CNBD1: variants seen among roughly 807,000 people sequenced by gnomAD.
The protein encoded by CNBD1 is cyclic nucleotide-binding domain-containing protein 1.
In CNBD1, 71 loss-of-function variants were observed where a neutral mutation model predicts 54.4. The observed-to-expected ratio is 1.30, with a 90% CI of 1.08 to 1.59. CNBD1 has a LOEUF of 1.59. Among genes scored for constraint, CNBD1 ranks in the 40% most tolerant of loss-of-function variants. The pLI, the probability that CNBD1 is intolerant of heterozygous loss-of-function variation, is 0.00. For missense variants in CNBD1, 659 were observed against 518.0 expected, an observed-to-expected ratio of 1.27 and a Z score of -2.64; for synonymous variants, 182 against 170.7, an observed-to-expected ratio of 1.07 and a Z score of -0.51.
At chr8:87,184,497 C>T (rs1300917492) in intron 4 of CNBD1, among the ~76,000 whole-genome samples, 1 of 152,160 alleles carries the variant, frequency 6.6e-6, no homozygotes, top group Non-Finnish European at 1.5e-5. Context: ...ACCCTCTGGG[C>T]TTCATGCAGA....
chr8:87,051,783 A>G (rs772928353), intron 4 of CNBD1, among the ~76,000 whole-genome samples: 6 of 152,188 alleles, frequency 3.9e-5, no homozygotes, highest in Non-Finnish European at 7.3e-5. Flanking sequence ...ACCTTCCAGC[A>G]TGGGCATCAT....
chr8:86,978,713 T>A (rs1045366064), intron 4 of CNBD1, among the ~76,000 whole-genome samples: 2 of 151,862 alleles, frequency 1.3e-5, no homozygotes, highest in African/African-American at 4.8e-5. Flanking sequence ...TGGCTAATTT[T>A]TGTATTTTTA....
chr8:87,168,732 T>C (rs1460924670), intron 4 of CNBD1, among the ~76,000 whole-genome samples: 1 of 152,066 alleles, frequency 6.6e-6, no homozygotes, highest in African/African-American at 2.4e-5. Context: ...TGACCTCCAG[T>C]TCCATCCATG....
chr8:87,303,228 T>G (rs76643112), intron 8 of CNBD1, among the ~76,000 whole-genome samples: 56,075 of 148,958 alleles, frequency 0.38, 10,648 homozygotes, highest in Middle Eastern at 0.44. Flanking sequence ...GCTACCTGAC[T>G]TCAAACTATA....
At chr8:87,151,914 T>C (rs1304007935) in intron 4 of CNBD1, among the ~76,000 whole-genome samples, 2 of 152,138 alleles carry the variant, frequency 1.3e-5, no homozygotes, top group African/African-American at 4.8e-5. Flanking sequence ...AAATTTTTGA[T>C]ACTTTAAAAG....
chr8:87,347,428 G>C (rs887873423), intron 8 of CNBD1, among the ~76,000 whole-genome samples: 3 of 152,146 alleles, frequency 2.0e-5, no homozygotes, highest in Non-Finnish European at 2.9e-5. Context: ...CCTTGATGGA[G>C]CTTGCATCCT....
At chr8:87,248,554 G>T (rs548844827) in intron 6 of CNBD1, among the ~76,000 whole-genome samples, 1 of 152,118 alleles carries the variant, frequency 6.6e-6, no homozygotes, top group Non-Finnish European at 1.5e-5. Context: ...GCGCTTGATC[G>T]CCATGTGGAG....
intron 4 of CNBD1, among the ~76,000 whole-genome samples, chr8:87,181,999 A>C (rs1339743451): frequency 1.3e-5 from 2 of 152,160 alleles, no homozygotes; most frequent in African/African-American, 4.8e-5. Flanking sequence ...TCACCCAGGT[A>C]GTGAGCATAG....
At chr8:87,267,495 A>T (rs2130854933) in intron 6 of CNBD1, among the ~76,000 whole-genome samples, 1 of 152,312 alleles carries the variant, frequency 6.6e-6, no homozygotes, top group South Asian at 2.1e-4. Flanking sequence ...TCTAGTGCTA[A>T]CATGGCTTAT....
At chr8:87,339,319 GC>G (rs1222553885) in intron 8 of CNBD1, among the ~76,000 whole-genome samples, 3 of 148,446 alleles carry the variant, frequency 2.0e-5, no homozygotes, top group African/African-American at 7.3e-5. Context: ...TGTGTCTCAG[GC>G]TTGCCCACAC....
chr8:87,112,224 G>C lies in CNBD1; in HGVS notation c.432-93769G>C, dbSNP rs940574543. Among the ~76,000 whole-genome samples the C allele has an allele frequency of 7.9e-5, 12 of 152,244 alleles. No individual in the cohort carries two copies. The South Asian group carries it at 2.3e-3, about 29-fold the overall frequency. On this transcript the variant is annotated intron_variant, in intron 4 of 10. Coordinates refer to ENST00000518476, the MANE Select transcript of CNBD1 (RefSeq NM_173538.3). ...TTGTCTTCTCTGAGCTTCTTATGGA[G>C]CATTGTTTTTAGTGCATCTCTAAGC...
At chr8:87,029,971 T>C (rs1809745986) in intron 4 of CNBD1, among the ~76,000 whole-genome samples, 1 of 152,172 alleles carries the variant, frequency 6.6e-6, no homozygotes. Flanking sequence ...ATATAGTCAA[T>C]TGAAAGTAAA....
chr8:87,252,339 T>C (rs1178363131), intron 6 of CNBD1, among the ~76,000 whole-genome samples: 2 of 152,202 alleles, frequency 1.3e-5, no homozygotes, highest in Non-Finnish European at 2.9e-5. Flanking sequence ...TATTTTCCTA[T>C]TGCAGTGAGA....
At chr8:87,202,731 A>C (rs1330454266) in intron 4 of CNBD1, among the ~76,000 whole-genome samples, 1 of 152,144 alleles carries the variant, frequency 6.6e-6, no homozygotes, top group African/African-American at 2.4e-5. Flanking sequence ...TGAGTACTGA[A>C]TGAGTCCGAA....
At chr8:86,915,526 A>G (rs1809170193) in intron 3 of CNBD1, among the ~76,000 whole-genome samples, 1 of 152,320 alleles carries the variant, frequency 6.6e-6, no homozygotes, top group East Asian at 1.9e-4. Context: ...TCCCAAAGTT[A>G]GCTCGGCCCA....
chr8:87,416,667 T>G (rs1807841825), intron 2 of CNBD1, among the ~76,000 whole-genome samples: 1 of 152,032 alleles, frequency 6.6e-6, no homozygotes. Flanking sequence ...GTCCACCCAG[T>G]ACAAAGCCTT....
At chr8:87,418,576 C>G (rs978093292) in intron 2 of CNBD1, among the ~76,000 whole-genome samples, 2 of 151,524 alleles carry the variant, frequency 1.3e-5, no homozygotes, top group Admixed American at 6.6e-5. Context: ...AAAAGATGAC[C>G]TACAAAAAAG....
At chr8:86,876,323 C>T (rs1808520308) in intron 1 of CNBD1, among the ~76,000 whole-genome samples, 2 of 151,538 alleles carry the variant, frequency 1.3e-5, no homozygotes, top group African/African-American at 4.8e-5. Context: ...TATACATTTT[C>T]CTTAAAAAAT....
At chr8:87,369,075 A>C (rs1212909915) in intron 10 of CNBD1, among the ~76,000 whole-genome samples, 1 of 152,028 alleles carries the variant, frequency 6.6e-6, no homozygotes, top group African/African-American at 2.4e-5. Context: ...TAATTTTTTT[A>C]ATCCATTATC....
Sources: allele counts gnomAD v4.1 joint callset (sites outside exome capture counted in the v4.1 genomes callset), GRCh38; gene constraint gnomAD v4.1.1; transcripts MANE v1.5; gene names NCBI Gene and HGNC (gene_info 2026-07-23, HGNC 2026-07-21).